The following ATP11C variants were observed in gnomAD, a reference collection of about 807,000 sequenced individuals.
ATP11C encodes ATPase phospholipid transporting 11C (ATP11C blood group), also known as phospholipid-transporting ATPase IG.
Under a neutral mutation model 97.4 loss-of-function variants are expected in ATP11C, and 36 were observed. That is an observed-to-expected ratio of 0.37 (90% CI 0.28 to 0.49). The LOEUF (loss-of-function observed/expected upper bound fraction) is 0.49. Ranked by LOEUF, ATP11C falls within the 20% of genes least tolerant of loss-of-function variation. The pLI is 0.98. For synonymous variants in ATP11C, 275 were observed against 290.9 expected (o/e 0.95, Z 0.56); for missense variants, 730 against 824.6 (o/e 0.89, Z 1.40).
intron 16 of ATP11C, among the ~76,000 whole-genome samples, chrX:139,784,070 C>T (rs1033752356): frequency 1.1e-4 from 12 of 111,946 alleles, no homozygotes; most frequent in African/African-American, 3.6e-4. Context: ...TAGATCACTT[C>T]ACACACCCAG....
intron 24 of ATP11C, among the ~76,000 whole-genome samples, chrX:139,748,902 G>A (rs1233775252): frequency 8.9e-6 from 1 of 111,967 alleles, no homozygotes; most frequent in Non-Finnish European, 1.9e-5. Context: ...GAAAAGAAAT[G>A]AGTCAACTGG....
At chrX:139,909,489 T>C (rs2085034788) in intron 1 of ATP11C, among the ~76,000 whole-genome samples, 1 of 110,920 alleles carries the variant, frequency 9.0e-6, no homozygotes, top group African/African-American at 3.3e-5. Flanking sequence ...GATGTGATGG[T>C]GGATACACAA....
chrX:139,897,458 C>T (rs1253866364), intron 1 of ATP11C, among the ~76,000 whole-genome samples: 4 of 109,470 alleles, frequency 3.7e-5, no homozygotes, highest in Non-Finnish European at 3.8e-5. Flanking sequence ...CCGAGGCGGG[C>T]GGACAGCTTG....
rs199816760 is a variant in ATP11C, at chrX:139,848,492, G to GTT, written c.28-21671_28-21670dup. Among the ~76,000 whole-genome samples, 6 of 100,148 alleles carry GTT rather than the reference G, an allele frequency of 6.0e-5. No individual in the cohort carries two copies. The East Asian group carries it at 1.3e-3, about 21-fold the overall frequency. The allele number at this position is 100,148 out of a possible 115,157, so 87.0% of individuals were successfully genotyped here. On this transcript the variant is annotated intron_variant, in intron 1 of 29. Coordinates refer to ENST00000682941, the MANE Select transcript of ATP11C (RefSeq NM_001353812.2). ...CTTTAAGACCTCTACTCTCTTTTTTGTTTTTTTTTTTTAAGAGACAGGGGT... is the reference window on the plus strand; with the variant it reads ...CTTTAAGACCTCTACTCTCTTTTTTGTTTTTTTTTTTTTTAAGAGACAGGGGT...
At chrX:139,924,911 A>G (rs1439231754) in intron 1 of ATP11C, among the ~76,000 whole-genome samples, 1 of 111,679 alleles carries the variant, frequency 9.0e-6, no homozygotes, top group Non-Finnish European at 1.9e-5. Flanking sequence ...TGCTATAATA[A>G]ATCACATCCG....
intron 12 of ATP11C, 89 bp downstream of exon 12, chrX:139,796,184 A>G (rs1386712905): frequency 1.5e-6 from 1 of 671,852 alleles, no homozygotes; most frequent in African/African-American, 2.3e-5. Context: ...TCCAAATGTG[A>G]CATGGTCACA....
At chrX:139,735,773 GA>G (rs1247095652) in intron 28 of ATP11C, among the ~76,000 whole-genome samples, 61 of 97,079 alleles carry the variant, frequency 6.3e-4, no homozygotes, top group South Asian at 2.8e-3. Context: ...TTTCTCATAA[GA>G]AAAAAAAAAA....
At chrX:139,927,710 T>A (rs1238883149) in intron 1 of ATP11C, among the ~76,000 whole-genome samples, 1 of 109,049 alleles carries the variant, frequency 9.2e-6, no homozygotes, top group Non-Finnish European at 1.9e-5. Flanking sequence ...TGTAACTGCA[T>A]GATCCAATTC....
At chrX:139,818,025 G>A (rs763803615) in intron 3 of ATP11C, among the ~76,000 whole-genome samples, 2 of 111,170 alleles carry the variant, frequency 1.8e-5, no homozygotes, top group African/African-American at 3.3e-5. Flanking sequence ...TTCCATGTAC[G>A]CAAGGCTTCT....
intron 1 of ATP11C, among the ~76,000 whole-genome samples, chrX:139,907,026 C>A (rs781720391): frequency 1.8e-5 from 2 of 111,465 alleles, no homozygotes; most frequent in Admixed American, 9.5e-5. Context: ...TCAAATGACA[C>A]CTTCTCAGTG....
At chrX:139,739,224 A>C (rs1160300025) in intron 27 of ATP11C, among the ~76,000 whole-genome samples, 1 of 111,130 alleles carries the variant, frequency 9.0e-6, no homozygotes, top group Non-Finnish European at 1.9e-5. Context: ...CCAGATGACA[A>C]ATGGCAGCTA....
At chrX:139,837,699 G>T (rs979736497) in intron 1 of ATP11C, among the ~76,000 whole-genome samples, 3 of 112,261 alleles carry the variant, frequency 2.7e-5, no homozygotes, top group African/African-American at 9.7e-5. Flanking sequence ...AAGTGCATTT[G>T]CATTGGTAGC....
At chrX:139,822,615 T>C (rs2083437112) in intron 2 of ATP11C, among the ~76,000 whole-genome samples, 2 of 110,515 alleles carry the variant, frequency 1.8e-5, no homozygotes, top group African/African-American at 6.6e-5. Flanking sequence ...GGTTTCACCA[T>C]GTTGGTCAGG....
At chrX:139,830,822 CAAATTCA>C (rs1396268225) in intron 1 of ATP11C, among the ~76,000 whole-genome samples, 1 of 111,153 alleles carries the variant, frequency 9.0e-6, no homozygotes, top group Non-Finnish European at 1.9e-5. Context: ...TTAAAAAGGC[CAAATTCA>C]AAATTGAAAG....
intron 1 of ATP11C, among the ~76,000 whole-genome samples, chrX:139,929,645 A>G (rs918364872): frequency 1.8e-5 from 2 of 111,859 alleles, no homozygotes; most frequent in African/African-American, 6.5e-5. Flanking sequence ...GTACAGGTAC[A>G]CTAAAAAAAC....
intron 5 of ATP11C, among the ~76,000 whole-genome samples, chrX:139,809,320 G>A (rs1175445914): frequency 9.0e-6 from 1 of 111,418 alleles, no homozygotes; most frequent in Non-Finnish European, 1.9e-5. Context: ...ACATAAATTG[G>A]AATATTATTC....
intron 25 of ATP11C, among the ~76,000 whole-genome samples, 168 bp from the exon 26 acceptor site, chrX:139,743,792 T>C (rs760134016): frequency 2.7e-5 from 3 of 111,679 alleles, no homozygotes; most frequent in African/African-American, 6.5e-5. Context: ...CAATGCCAGA[T>C]TTTCCTGTGA....
intron 12 of ATP11C, among the ~76,000 whole-genome samples, chrX:139,790,398 A>G (rs989725773): frequency 4.5e-5 from 5 of 110,960 alleles, no homozygotes; most frequent in Admixed American, 9.6e-5. Context: ...AAGAAGTTAC[A>G]TAAGTCAATT....
intron 6 of ATP11C, 80 bp from the exon 7 acceptor site, chrX:139,802,419 A>C: frequency 1.8e-6 from 1 of 558,200 alleles, no homozygotes; most frequent in Non-Finnish European, 3.0e-6. Context: ...TTCAGAAACA[A>C]ATTTAGTTTA....
Sources: gnomAD v4.1 joint callset for allele counts (sites outside exome capture counted in the v4.1 genomes callset) on GRCh38, gnomAD v4.1.1 for gene constraint, MANE v1.5 for transcripts, NCBI Gene and HGNC (gene_info 2026-07-23, HGNC 2026-07-21) for gene names.